Variants in SCARA3 observed in about 807,000 individuals in gnomAD.
SCARA3 encodes the protein cellular stress response gene protein.
In SCARA3, 39 loss-of-function variants were observed where a neutral mutation model predicts 47.0. That is an observed-to-expected ratio of 0.83 (90% confidence interval 0.64 to 1.08). The LOEUF is 1.08. Among genes scored for constraint, SCARA3 ranks in the 50% least tolerant of loss-of-function variants. The pLI is 0.00. For synonymous variants in SCARA3, 356 were observed against 334.1 expected (o/e 1.07, Z -0.71); for missense variants, 724 against 792.3 (o/e 0.91, Z 1.04).
downstream of SCARA3, among the ~76,000 whole-genome samples, chr8:27,675,848 T>C (rs1802268360): frequency 6.6e-6 from 1 of 151,544 alleles, no homozygotes; most frequent in Non-Finnish European, 1.5e-5. Flanking sequence ...GAAACTCTGA[T>C]TCAGAATCAG....
At chr8:27,677,637 T>A (rs1802299007), downstream of SCARA3, among the ~76,000 whole-genome samples, 1 of 152,176 alleles carries the variant, frequency 6.6e-6, no homozygotes, top group Non-Finnish European at 1.5e-5. Flanking sequence ...CAATAATTGA[T>A]AGAATAAGTA....
At chr8:27,705,912 A>G in the SCARA3 span, among the ~76,000 whole-genome samples, 308 of 152,314 alleles carry the variant, frequency 2.0e-3, 2 homozygotes, top group Non-Finnish European at 3.5e-3. Flanking sequence ...AGAAAGAAAA[A>G]GCAATGTGTG....
chr8:27,668,598 G>A (rs1802074002), intron 5 of SCARA3, among the ~76,000 whole-genome samples: 1 of 151,628 alleles, frequency 6.6e-6, no homozygotes, highest in South Asian at 2.1e-4. Flanking sequence ...GATGGCTCAT[G>A]CCTGCAATCC....
chr8:27,693,138 A>AG, the SCARA3 span, among the ~76,000 whole-genome samples: 196 of 141,468 alleles, frequency 1.4e-3, 4 homozygotes, highest in South Asian at 1.7e-3. Flanking sequence ...AAAAAAAAAA[A>AG]AAAGAAAAAG....
chr8:27,666,597 G>C (rs1272508232), intron 5 of SCARA3, among the ~76,000 whole-genome samples: 1 of 152,234 alleles, frequency 6.6e-6, no homozygotes, highest in African/African-American at 2.4e-5. Flanking sequence ...TGACAGCTGG[G>C]TCTCAAACAC....
At chr8:27,637,680 G>A (rs1352447224) in intron 1 of SCARA3, among the ~76,000 whole-genome samples, 4 of 152,002 alleles carry the variant, frequency 2.6e-5, no homozygotes, top group Admixed American at 6.6e-5. Flanking sequence ...GCAGGGGGCA[G>A]CCCTCTGTTC....
chr8:27,725,010 G>C, the SCARA3 span, among the ~76,000 whole-genome samples: 93 of 152,196 alleles, frequency 6.1e-4, no homozygotes, highest in African/African-American at 2.2e-3. Context: ...AGGAAGAATC[G>C]GTGGTGGCTC....
intron 1 of SCARA3, among the ~76,000 whole-genome samples, chr8:27,635,178 G>A (rs1409335743): frequency 2.0e-5 from 3 of 152,166 alleles, no homozygotes; most frequent in African/African-American, 7.2e-5. Flanking sequence ...GTATGGAGGT[G>A]GAAGAGGTGG....
intron 5 of SCARA3, among the ~76,000 whole-genome samples, chr8:27,666,890 G>A (rs1282937819): frequency 1.3e-5 from 2 of 152,002 alleles, no homozygotes; most frequent in African/African-American, 2.4e-5. Context: ...GGTCAGCTGT[G>A]GCTGGACCCT....
At chr8:27,683,807 A>G in the SCARA3 span, among the ~76,000 whole-genome samples, 1 of 151,926 alleles carries the variant, frequency 6.6e-6, no homozygotes, top group Non-Finnish European at 1.5e-5. Flanking sequence ...ATGTGACACT[A>G]TGAAGAAAGA....
At chr8:27,709,102 G>A in the SCARA3 span, among the ~76,000 whole-genome samples, 1 of 152,200 alleles carries the variant, frequency 6.6e-6, no homozygotes, top group Non-Finnish European at 1.5e-5. Flanking sequence ...CTCTCCACCT[G>A]AAGGAGCATT....
intron 1 of SCARA3, among the ~76,000 whole-genome samples, chr8:27,644,200 G>A (rs1296944294): frequency 6.6e-6 from 1 of 152,208 alleles, no homozygotes; most frequent in Non-Finnish European, 1.5e-5. Context: ...CTATTTTATG[G>A]GTCTGGGTTT....
intron 5 of SCARA3, among the ~76,000 whole-genome samples, chr8:27,662,407 A>G (rs914943378): frequency 1.3e-5 from 2 of 152,234 alleles, no homozygotes; most frequent in Admixed American, 6.5e-5. Context: ...GATGATGGGA[A>G]CATGGTAAGA....
the SCARA3 span, among the ~76,000 whole-genome samples, chr8:27,710,525 G>C: frequency 6.6e-6 from 1 of 152,120 alleles, no homozygotes; most frequent in Non-Finnish European, 1.5e-5. Context: ...TTAAGTACCC[G>C]GATGAACGAA....
chr8:27,671,662 A>T lies in SCARA3; in HGVS notation c.*311A>T. On this transcript the variant is annotated 3_prime_UTR_variant, in exon 6 of 6. Transcript: ENST00000301904. ...TGCATGCACACACACATGCACGCAC[A>T]CACACATGCACACATACACGTGCAC... is the stretch of plus-strand genomic sequence containing the variant. 5.4e-6 allele frequency: 6 copies of T among 1,107,980 alleles called. No individual in the cohort carries two copies. Among genetic ancestry groups the T allele is most frequent in the Non-Finnish European group, 6.7e-6 (6 of 900,784 alleles). 68.6% of individuals were successfully genotyped at this position (1,107,980 alleles called of 1,614,324 possible). A position where few individuals can be genotyped will look rare whatever the true frequency, so the allele number is the denominator to read the frequency against.
the SCARA3 span, among the ~76,000 whole-genome samples, chr8:27,706,695 G>A: frequency 1.3e-5 from 2 of 152,172 alleles, no homozygotes; most frequent in Non-Finnish European, 2.9e-5. Context: ...AATGTGAGAG[G>A]TGTTGGAGAG....
the SCARA3 span, among the ~76,000 whole-genome samples, chr8:27,685,421 A>C: frequency 6.6e-6 from 1 of 152,344 alleles, no homozygotes; most frequent in South Asian, 2.1e-4. Flanking sequence ...CTTCCTGAGA[A>C]CTGAAAAAAT....
intron 1 of SCARA3, among the ~76,000 whole-genome samples, chr8:27,644,536 A>G (rs1324581232): frequency 2.0e-5 from 3 of 151,914 alleles, no homozygotes; most frequent in Non-Finnish European, 4.4e-5. Flanking sequence ...GCATCACCTT[A>G]TCTTCTCCAG....
the SCARA3 span, among the ~76,000 whole-genome samples, chr8:27,720,784 T>C: frequency 2.0e-5 from 3 of 151,424 alleles, no homozygotes; most frequent in East Asian, 3.9e-4. Context: ...ACCCCTCTAT[T>C]CATCCATCCA....
Sources: gnomAD v4.1 joint callset for allele counts (sites outside exome capture counted in the v4.1 genomes callset) on GRCh38, gnomAD v4.1.1 for gene constraint, MANE v1.5 for transcripts, NCBI Gene and HGNC (gene_info 2026-07-23, HGNC 2026-07-21) for gene names.